Variants in GNAI1 observed in about 807,000 individuals in gnomAD.
The protein encoded by GNAI1 is G protein subunit alpha i1.
GNAI1 carries 11 observed loss-of-function variants against 38.9 expected under a neutral mutation model. That is an observed-to-expected ratio of 0.28 (90% CI 0.18 to 0.47). The LOEUF is 0.47. Ranked by LOEUF, GNAI1 falls within the 20% of genes least tolerant of loss-of-function variation. The pLI is 0.99. For synonymous variants in GNAI1, 166 were observed against 145.1 expected (o/e 1.14, Z -1.04); for missense variants, 317 against 436.9 (o/e 0.73, Z 2.45).
chr7:80,157,639 A>G (rs1047717955), intron 1 of GNAI1, among the ~76,000 whole-genome samples: 1 of 152,130 alleles, frequency 6.6e-6, no homozygotes, highest in Non-Finnish European at 1.5e-5. Context: ...CATTCTAATA[A>G]ATGTGTAGTG....
intron 5 of GNAI1, among the ~76,000 whole-genome samples, chr7:80,210,007 C>A (rs1272824218): frequency 6.6e-6 from 1 of 151,996 alleles, no homozygotes; most frequent in Admixed American, 6.6e-5. Flanking sequence ...GGTTTATAGG[C>A]CAGTACTGCT....
chr7:80,197,344 T>G (rs578046063), intron 3 of GNAI1, among the ~76,000 whole-genome samples: 1 of 151,934 alleles, frequency 6.6e-6, no homozygotes, highest in Non-Finnish European at 1.5e-5. Flanking sequence ...GCTTCCAAAG[T>G]TTCTTAAGTC....
intron 1 of GNAI1, among the ~76,000 whole-genome samples, chr7:80,185,948 T>TA (rs1373997081): frequency 6.6e-6 from 1 of 152,116 alleles, no homozygotes; most frequent in East Asian, 1.9e-4. Context: ...TGCCTGTAGA[T>TA]ATCTATTCCA....
chr7:80,185,840 G>T (rs959630441), intron 1 of GNAI1, among the ~76,000 whole-genome samples: 1 of 152,104 alleles, frequency 6.6e-6, no homozygotes, highest in Non-Finnish European at 1.5e-5. Context: ...TAACCACGTG[G>T]CATTTGTAAT....
rs773308456 is a variant in GNAI1 at position 80,219,815 on chromosome 7, C to T, written c.*2322C>T. On this transcript the variant is annotated 3_prime_UTR_variant, in exon 8 of 8. Coordinates refer to ENST00000649796, the MANE Select transcript of GNAI1 (RefSeq NM_002069.6). ...CATGGTGGTTTGCTGCACCTATCAA[C>T]CTGTCATCTAAGTTTTAAGCCCTGC... 3.3e-5 allele frequency among the ~76,000 whole-genome samples: 5 copies of T among 152,118 alleles called. No homozygotes were observed. The highest frequency in any genetic ancestry group is 4.8e-5 in the African/African-American group (2 of 41,432).
At chr7:80,168,587 C>A (rs536021864) in intron 1 of GNAI1, among the ~76,000 whole-genome samples, 1 of 152,028 alleles carries the variant, frequency 6.6e-6, no homozygotes, top group Admixed American at 6.6e-5. Context: ...AGGGTTTCAC[C>A]GTGTTAGCCA....
At chr7:80,183,992 CAGCACAG>C (rs1788345673) in intron 1 of GNAI1, among the ~76,000 whole-genome samples, 2 of 152,100 alleles carry the variant, frequency 1.3e-5, no homozygotes, top group African/African-American at 4.8e-5. Context: ...CCTTTGTCCT[CAGCACAG>C]TCTTATTTGC....
Position 80,225,268 on chromosome 7 carries a change from C to T in GNAI1, c.*7775C>T, listed in dbSNP as rs1248574436. Reference sequence around the variant, plus strand: ...AGCTATAATAAAAGAGAGACATACACATTTTAAGATCTATACTCTAAAACA... The same window carrying T: ...AGCTATAATAAAAGAGAGACATACATATTTTAAGATCTATACTCTAAAACA... On this transcript the variant is annotated 3_prime_UTR_variant, in exon 8 of 8. Transcript: ENST00000649796. 6.6e-6 allele frequency among the ~76,000 whole-genome samples: 1 copy of T among 152,138 alleles called. No homozygotes were observed. Among genetic ancestry groups the T allele is most frequent in the Non-Finnish European group, 1.5e-5 (1 of 68,032 alleles).
At chr7:80,190,755 CT>C (rs1788466417) in intron 3 of GNAI1, among the ~76,000 whole-genome samples, 1 of 152,106 alleles carries the variant, frequency 6.6e-6, no homozygotes, top group African/African-American at 2.4e-5. Context: ...GCATTTGGAT[CT>C]TTTATGTGCT....
At chr7:80,169,489 A>G (rs1428193988) in intron 1 of GNAI1, among the ~76,000 whole-genome samples, 1 of 152,218 alleles carries the variant, frequency 6.6e-6, no homozygotes, top group Non-Finnish European at 1.5e-5. Flanking sequence ...ATGCTACACA[A>G]TAGAAGAGGA....
chr7:80,163,652 T>A (rs2116135857), intron 1 of GNAI1, among the ~76,000 whole-genome samples: 1 of 152,342 alleles, frequency 6.6e-6, no homozygotes. Context: ...GTAGTTTTCC[T>A]TTTGTCTTTT....
At chr7:80,147,935 G>T (rs1217830689) in intron 1 of GNAI1, among the ~76,000 whole-genome samples, 1 of 152,134 alleles carries the variant, frequency 6.6e-6, no homozygotes, top group African/African-American at 2.4e-5. Flanking sequence ...AAATATGTGG[G>T]AATGGAAGTC....
chr7:80,165,363 C>A (rs1787995956), intron 1 of GNAI1, among the ~76,000 whole-genome samples: 1 of 152,150 alleles, frequency 6.6e-6, no homozygotes, highest in Non-Finnish European at 1.5e-5. Flanking sequence ...GCATTAGATT[C>A]ACTTTTGTTC....
At chr7:80,179,169 G>C (rs1295076168) in intron 1 of GNAI1, among the ~76,000 whole-genome samples, 2 of 152,130 alleles carry the variant, frequency 1.3e-5, no homozygotes, top group Non-Finnish European at 2.9e-5. Flanking sequence ...TTAATAACTA[G>C]TTAGCAACTT....
At chr7:80,192,506 C>T (rs1788499298) in intron 3 of GNAI1, among the ~76,000 whole-genome samples, 1 of 152,096 alleles carries the variant, frequency 6.6e-6, no homozygotes, top group Admixed American at 6.5e-5. Context: ...TTCTTTTTCC[C>T]CACATCTGTC....
rs1437787475 is a variant in GNAI1 at position 80,221,974 on chromosome 7, T to G, written c.*4481T>G. 9.9e-5 allele frequency among the ~76,000 whole-genome samples: 15 copies of G among 152,184 alleles called. 1 individual carries two copies. ...TTTTAGTTCTTTTCAAAACCCTTTC[T>G]TAACAGTTGAAATGCATTTATATAA... On this transcript the variant is annotated 3_prime_UTR_variant, in exon 8 of 8. Coordinates refer to ENST00000649796, the MANE Select transcript of GNAI1 (RefSeq NM_002069.6).
At position 80,203,836 on chromosome 7, in the gene GNAI1, AGTAGCTTT is replaced by A. The variant is rs746750258; in HGVS notation, c.590+6_590+13del. 5.2e-4 allele frequency: 778 copies of A among 1,499,760 alleles called. 1 individual carries two copies. Among genetic ancestry groups the A allele is most frequent in the Non-Finnish European group, 6.9e-4 (745 of 1,087,178 alleles). 92.9% of individuals were successfully genotyped at this position (1,499,760 alleles called of 1,614,324 possible). ...CTTTCAAAGATCTTCATTTTAAGTG[AGTAGCTTT>A]GAAATATATGATTTCTAAATTTAGA... On this transcript the variant is annotated splice_donor_5th_base_variant and intron_variant, in intron 5 of 7. Coordinates refer to ENST00000649796, the MANE Select transcript of GNAI1 (RefSeq NM_002069.6).
chr7:80,152,913 A>G lies in GNAI1; in HGVS notation c.118+17635A>G, dbSNP rs1437589502. ...TTAAACACCTGCATTATTTATGGCT[A>G]AAAGATTTCAAATGAAAAGTGAAAT... On this transcript the variant is annotated intron_variant, in intron 1 of 7. Coordinates refer to ENST00000649796, the MANE Select transcript of GNAI1 (RefSeq NM_002069.6). 3.3e-5 allele frequency among the ~76,000 whole-genome samples: 5 copies of G among 152,106 alleles called. No homozygotes were observed. In the South Asian group the frequency reaches 8.3e-4, roughly 25 times the overall value.
chr7:80,207,580 C>G (rs1788797494), intron 5 of GNAI1, among the ~76,000 whole-genome samples: 1 of 152,024 alleles, frequency 6.6e-6, no homozygotes. Context: ...AAATTACTAT[C>G]ATTACTAGCA....
Sources: allele counts gnomAD v4.1 joint callset (sites outside exome capture counted in the v4.1 genomes callset), GRCh38; gene constraint gnomAD v4.1.1; transcripts MANE v1.5; gene names NCBI Gene and HGNC (gene_info 2026-07-23, HGNC 2026-07-21).